NTNG1: variants seen among roughly 807,000 people sequenced by gnomAD.
The protein encoded by NTNG1 is netrin G1.
NTNG1 carries 16 observed loss-of-function variants against 54.0 expected under a neutral mutation model. The ratio of observed to expected loss-of-function variants is 0.30; its 90% CI spans 0.20 to 0.45. The LOEUF is 0.45. NTNG1 is among the 20% of genes least tolerant of loss of function. The pLI, the probability that NTNG1 is intolerant of heterozygous loss-of-function variation, is 1.00. For synonymous variants in NTNG1, 255 were observed against 263.1 expected, an observed-to-expected ratio of 0.97 and a Z score of 0.30; for missense variants, 530 against 678.7, an observed-to-expected ratio of 0.78 and a Z score of 2.43.
intron 7 of NTNG1, among the ~76,000 whole-genome samples, chr1:107,469,705 C>T (rs761362397): frequency 3.9e-5 from 6 of 152,086 alleles, no homozygotes; most frequent in Admixed American, 3.3e-4. Context: ...CCTCCTGCCT[C>T]GGCCTCTCAA....
chr1:107,177,079 C>A (rs963684362), intron 2 of NTNG1, among the ~76,000 whole-genome samples: 4 of 152,142 alleles, frequency 2.6e-5, no homozygotes, highest in African/African-American at 9.7e-5. Flanking sequence ...TCAGTCTCAA[C>A]TTCCTTCATG....
At chr1:107,396,676 G>T (rs968629827) in intron 4 of NTNG1, among the ~76,000 whole-genome samples, 2 of 152,120 alleles carry the variant, frequency 1.3e-5, no homozygotes, top group South Asian at 4.1e-4. Context: ...CCTGTGGCTG[G>T]CTACCTAAGA....
chr1:107,213,096 G>A (rs977863170), intron 2 of NTNG1, among the ~76,000 whole-genome samples: 1 of 151,498 alleles, frequency 6.6e-6, no homozygotes, highest in African/African-American at 2.4e-5. Context: ...CATTTTAGCT[G>A]TTAAATTTCT....
At position 107,484,855 on chromosome 1, in the gene NTNG1, A is replaced by G. The variant is rs776281554; in HGVS notation, c.*4015A>G. On this transcript the variant is annotated 3_prime_UTR_variant, in exon 8 of 8. Coordinates refer to ENST00000370068, the MANE Select transcript of NTNG1 (RefSeq NM_001113226.3). ...TACTATATGGGAAATGGGTTGTTGTACTTTACCGGTTGTTAAACACTAAAT... is the reference window on the plus strand; with the variant it reads ...TACTATATGGGAAATGGGTTGTTGTGCTTTACCGGTTGTTAAACACTAAAT... 6.6e-6 allele frequency among the ~76,000 whole-genome samples: 1 copy of G among 152,330 alleles called. No individual in the cohort carries two copies. Among genetic ancestry groups the G allele is most frequent in the Non-Finnish European group, 1.5e-5 (1 of 68,018 alleles).
At chr1:107,158,081 G>T (rs542621776) in intron 2 of NTNG1, among the ~76,000 whole-genome samples, 2 of 152,138 alleles carry the variant, frequency 1.3e-5, no homozygotes, top group East Asian at 3.9e-4. Flanking sequence ...TTACTCTCAG[G>T]CAAAGCATCC....
At chr1:107,381,226 T>A (rs1474316720) in intron 3 of NTNG1, among the ~76,000 whole-genome samples, 2 of 151,900 alleles carry the variant, frequency 1.3e-5, no homozygotes, top group Non-Finnish European at 2.9e-5. Flanking sequence ...ATTTTACAGA[T>A]AAGGAGCTAG....
chr1:107,324,526 A>G lies in NTNG1; in HGVS notation c.491A>G (p.Lys164Arg). The G allele has an allele frequency of 6.2e-7, 1 of 1,613,814 alleles. No homozygotes were observed. The highest frequency in any genetic ancestry group is 8.5e-7 in the Non-Finnish European group (1 of 1,179,854). The change falls in exon 3 of 8, where the codon AAG (lysine) becomes AGG (arginine). Residue 164 changes from lysine (K) to arginine (R), a missense_variant. Physicochemically the swap from Lys to Arg is conservative, Grantham distance 26 (BLOSUM62 2). Around this residue, in one of 2 missense-constraint regions of NTNG1, gnomAD observed 318 missense variants for 465.1 expected, o/e 0.68. Coordinates refer to ENST00000370068, the MANE Select transcript of NTNG1 (RefSeq NM_001113226.3). ...SGRPDQMILE[K>R]SLDYGRTWQP... ...CGTCCAGACCAAATGATCCTGGAGA[A>G]GTCTCTCGATTATGGACGAACATGG... is the stretch of plus-strand genomic sequence containing the variant.
rs1250121667 is a variant in NTNG1 at position 107,480,881 on chromosome 1, GAAGCAGACAC to G, written c.*44_*53del. ...ACACCGGACGGGCCTGTGCCGTGGG[GAAGCAGACAC>G]AACCCAAACATTTGCTACTAACATA... On this transcript the variant is annotated 3_prime_UTR_variant, in exon 8 of 8. Coordinates refer to ENST00000370068, the MANE Select transcript of NTNG1 (RefSeq NM_001113226.3). 6.9e-7 allele frequency: 1 copy of G among 1,455,926 alleles called. No homozygotes were observed. Among genetic ancestry groups the G allele is most frequent in the East Asian group, 2.5e-5 (1 of 40,096 alleles). The allele number at this position is 1,455,926 out of a possible 1,614,324, so 90.2% of individuals were successfully genotyped here.
intron 1 of NTNG1, among the ~76,000 whole-genome samples, chr1:107,145,067 G>A (rs1654008294): frequency 6.6e-6 from 1 of 152,026 alleles, no homozygotes; most frequent in Non-Finnish European, 1.5e-5. Flanking sequence ...AGTATATTAA[G>A]TCCCCAAATA....
intron 2 of NTNG1, among the ~76,000 whole-genome samples, chr1:107,174,487 A>G (rs528540108): frequency 6.2e-4 from 94 of 151,982 alleles, no homozygotes; most frequent in African/African-American, 2.1e-3. Context: ...TGTAGAAGCC[A>G]TTAGGTTACT....
intron 2 of NTNG1, among the ~76,000 whole-genome samples, chr1:107,284,282 T>G (rs1252254693): frequency 1.3e-5 from 2 of 152,118 alleles, no homozygotes; most frequent in Non-Finnish European, 2.9e-5. Context: ...TTTGTGAGAA[T>G]TTAAGGAGAA....
chr1:107,306,685 A>G (rs1323097771), intron 2 of NTNG1, among the ~76,000 whole-genome samples: 2 of 151,474 alleles, frequency 1.3e-5, no homozygotes, highest in Non-Finnish European at 2.9e-5. Context: ...TGGGAGGTGG[A>G]GGTTGCAGTG....
intron 2 of NTNG1, among the ~76,000 whole-genome samples, chr1:107,294,328 A>G (rs1247624361): frequency 2.0e-5 from 3 of 152,320 alleles, no homozygotes; most frequent in African/African-American, 7.2e-5. Context: ...AGGCTACAGC[A>G]TGGTATGAAT....
chr1:107,233,937 A>G (rs1007155605), intron 2 of NTNG1, among the ~76,000 whole-genome samples: 1 of 152,180 alleles, frequency 6.6e-6, no homozygotes, highest in Non-Finnish European at 1.5e-5. Context: ...TAAGAGTTGC[A>G]TTAGATCGAG....
At chr1:107,339,411 T>G (rs1485757171) in intron 3 of NTNG1, among the ~76,000 whole-genome samples, 1 of 152,042 alleles carries the variant, frequency 6.6e-6, no homozygotes, top group African/African-American at 2.4e-5. Context: ...ATTTAAAATA[T>G]AAAGATCCTA....
At chr1:107,382,758 C>T (rs1207373834) in intron 3 of NTNG1, among the ~76,000 whole-genome samples, 4 of 150,822 alleles carry the variant, frequency 2.7e-5, no homozygotes, top group Admixed American at 1.3e-4. Context: ...TTTTGTTTTC[C>T]CTTTTCCTCT....
At chr1:107,301,509 C>G (rs972211509) in intron 2 of NTNG1, among the ~76,000 whole-genome samples, 7 of 152,068 alleles carry the variant, frequency 4.6e-5, no homozygotes, top group Non-Finnish European at 8.8e-5. Context: ...GAACATGCAC[C>G]CTCAATATGT....
intron 2 of NTNG1, among the ~76,000 whole-genome samples, chr1:107,228,355 A>G (rs1660823210): frequency 6.6e-6 from 1 of 152,150 alleles, no homozygotes; most frequent in African/African-American, 2.4e-5. Context: ...TTATTTTGTG[A>G]ACTATGAAGT....
At chr1:107,263,865 T>C (rs1444936411) in intron 2 of NTNG1, among the ~76,000 whole-genome samples, 1 of 152,230 alleles carries the variant, frequency 6.6e-6, no homozygotes, top group Non-Finnish European at 1.5e-5. Flanking sequence ...TGGGATTTTG[T>C]TAAAAGAAAT....
Sources: allele counts gnomAD v4.1 joint callset (sites outside exome capture counted in the v4.1 genomes callset), GRCh38; gene constraint gnomAD v4.1.1; regional missense constraint gnomAD v4.1.1; transcripts MANE v1.5; gene names NCBI Gene and HGNC (gene_info 2026-07-23, HGNC 2026-07-21).